NKX6-3: variants seen among roughly 807,000 people sequenced by gnomAD.
NKX6-3 encodes homeobox protein Nkx-6.3.
In NKX6-3, 17 loss-of-function variants were observed where a neutral mutation model predicts 22.0. The observed-to-expected ratio is 0.77, with a 90% CI of 0.53 to 1.16. The LOEUF is 1.16. Among genes scored for constraint, NKX6-3 ranks in the 50% most tolerant of loss-of-function variants. NKX6-3 has a pLI of 0.00. For synonymous variants in NKX6-3, 177 were observed against 167.2 expected (o/e 1.06, Z -0.45); for missense variants, 363 against 359.0 (o/e 1.01, Z -0.09).
chr8:41,648,255 G>A lies in NKX6-3; in HGVS notation c.383-20C>T. The A allele has an allele frequency of 2.0e-6, 3 of 1,526,724 alleles. No individual in the cohort carries two copies. Among genetic ancestry groups the A allele is most frequent in the African/African-American group, 1.4e-5 (1 of 73,052 alleles). 94.6% of individuals were successfully genotyped at this position (1,526,724 alleles called of 1,614,324 possible). A position where few individuals can be genotyped will look rare whatever the true frequency, so the allele number is the denominator to read the frequency against. On this transcript the variant is annotated intron_variant, in intron 1 of 2. Transcript: ENST00000518699. ...CTGGGGCTGGCAGGAGGAAGGAAGTGTGGGGTTAGTAGAATAAGTGGGGAC... is the reference window on the plus strand; with the variant it reads ...CTGGGGCTGGCAGGAGGAAGGAAGTATGGGGTTAGTAGAATAAGTGGGGAC...
At chr8:41,648,367 C>T in intron 1 of NKX6-3, 132 bp from the exon 2 acceptor site, 2 of 760,836 alleles carry the variant, frequency 2.6e-6, no homozygotes, top group Non-Finnish European at 4.1e-6. Context: ...AGATTCCTTT[C>T]CCCTGAGCAG....
At position 41,646,288 on chromosome 8, in the gene NKX6-3, T is replaced by C; in HGVS notation, c.*161A>G. ...TTTCCTCCTCCTCCCCCGCCTCCCC[T>C]CCTCCTCCCCTGCACCTGCTGCTCC... On this transcript the variant is annotated 3_prime_UTR_variant, in exon 3 of 3. Transcript: ENST00000518699. 83 of 847,174 alleles carry C rather than the reference T, an allele frequency of 9.8e-5. No homozygotes were observed. The highest frequency in any genetic ancestry group is 7.5e-4 in the Admixed American group (24 of 31,814). The allele number at this position is 847,174 out of a possible 1,614,324, so 52.5% of individuals were successfully genotyped here.
intron 2 of NKX6-3, 32 bp downstream of exon 2, chr8:41,648,034 C>A (rs1804247204): frequency 1.3e-6 from 2 of 1,503,730 alleles, no homozygotes; most frequent in South Asian, 2.5e-5. Context: ...CTCCTCCCTG[C>A]AGGGCAGGTG....
At position 41,646,366 on chromosome 8, in the gene NKX6-3, G is replaced by C. The variant is rs1334635860; in HGVS notation, c.*83C>G. ...AGACTCAGTCCCTGCGCCCCCAGGA[G>C]CGTGGGGAAGGGGAGGGGAAGGTAG... On this transcript the variant is annotated 3_prime_UTR_variant, in exon 3 of 3. Coordinates refer to ENST00000518699, the MANE Select transcript of NKX6-3 (RefSeq NM_001364841.2). 10 of 1,486,258 alleles carry C rather than the reference G, an allele frequency of 6.7e-6. No homozygotes were observed. Among genetic ancestry groups the C allele is most frequent in the Non-Finnish European group, 9.0e-6 (10 of 1,107,962 alleles). The allele number at this position is 1,486,258 out of a possible 1,614,324, so 92.1% of individuals were successfully genotyped here. A position where few individuals can be genotyped will look rare whatever the true frequency, so the allele number is the denominator to read the frequency against.
intron 1 of NKX6-3, 131 bp downstream of exon 1, chr8:41,649,980 G>A (rs1804283579): frequency 1.0e-6 from 1 of 968,210 alleles, no homozygotes; most frequent in East Asian, 2.7e-5. Context: ...CTGAGGCTAC[G>A]AGTCCAGGGG....
rs540879919 is a variant in NKX6-3 at position 41,647,304 on chromosome 8, C to T, written c.553-610G>A. ...GCAGCGGGTTGGAGCTCGGGGAGGC[C>T]CCAGGGCCCTGAGCAAAGCCTAGAC... On this transcript the variant is annotated intron_variant, in intron 2 of 2. Coordinates refer to ENST00000518699, the MANE Select transcript of NKX6-3 (RefSeq NM_001364841.2). The T allele has an allele frequency of 2.5e-6, 4 of 1,598,058 alleles. 1 individual carries two copies. The South Asian group carries it at 4.5e-5, about 18-fold the overall frequency.
chr8:41,650,367 C>G lies in NKX6-3; in HGVS notation c.126G>C (p.Gly42=), dbSNP rs1029254638. 7.2e-6 allele frequency: 11 copies of G among 1,535,236 alleles called. No individual in the cohort carries two copies. The highest frequency in any genetic ancestry group is 3.3e-4 in the Middle Eastern group (2 of 6,002). Residue 42 remains glycine (G), a synonymous_variant, in exon 1 of 3, where the codon GGG becomes GGC. Coordinates refer to ENST00000518699, the MANE Select transcript of NKX6-3 (RefSeq NM_001364841.2). ...TTCCGGCGGCCAGCTGGGGGCCCAG[C>G]CCTGGGGGGCTGAGCTTGTAGAAGG... ...QNSFYKLSPP[G]LGPQLAAGTP... is the part of the protein sequence containing the mutation.
chr8:41,647,966 TG>T (rs373292423), intron 2 of NKX6-3, 99 bp downstream of exon 2: 14 of 1,106,126 alleles, frequency 1.3e-5, no homozygotes, highest in African/African-American at 1.3e-4. Context: ...AGCTGCCCTC[TG>T]GGGGGCTGCG....
In NKX6-3 at chr8:41,650,154, C is replaced by T. The variant is rs1342748386; in HGVS notation, c.339G>A (p.Ala113=). The change falls in exon 1 of 3, where the codon GCG becomes GCA. Residue 113 remains alanine (A), a synonymous_variant. Coordinates refer to ENST00000518699, the MANE Select transcript of NKX6-3 (RefSeq NM_001364841.2). ...CGCCTCGCCAGTCTTGGCCCGTGTC[C>T]GCCCAGCAGTTCCGGGTCCGGGTCG... ...EYPTRTRNCW[A]DTGQDWRGGR... 7 of 1,535,596 alleles carry T rather than the reference C, an allele frequency of 4.6e-6. No homozygotes were observed. The South Asian group carries it at 5.9e-5, about 13-fold the overall frequency.
rs535885290 is a variant in NKX6-3 at position 41,648,636 on chromosome 8, G to A, written c.383-401C>T. On this transcript the variant is annotated intron_variant, in intron 1 of 2. Coordinates refer to ENST00000518699, the MANE Select transcript of NKX6-3 (RefSeq NM_001364841.2). ...GGGCCTGTGAATTCCCTCCACCCCC[G>A]GCTTCCGCCAACTTCCTTGCTCTTG... Among the ~76,000 whole-genome samples, 24 of 152,306 alleles carry A rather than the reference G, an allele frequency of 1.6e-4. No individual in the cohort carries two copies. The South Asian group carries it at 4.6e-3, about 29-fold the overall frequency.
chr8:41,647,624 T>C (rs1301008624), intron 2 of NKX6-3, among the ~76,000 whole-genome samples: 1 of 152,160 alleles, frequency 6.6e-6, no homozygotes, highest in Admixed American at 6.5e-5. Flanking sequence ...CTCCTTTTGC[T>C]GACTGGAGCA....
At chr8:41,647,276 G>C in intron 2 of NKX6-3, 1 of 1,607,686 alleles carries the variant, frequency 6.2e-7, no homozygotes, top group Non-Finnish European at 8.5e-7. Context: ...TGATGAGGAG[G>C]GCGCAGCGGG....
chr8:41,648,374 G>T, intron 1 of NKX6-3, 139 bp from the exon 2 acceptor site: 1 of 750,196 alleles, frequency 1.3e-6, no homozygotes, highest in Non-Finnish European at 2.1e-6. Flanking sequence ...TTTCCCCTGA[G>T]CAGCATTCTT....
At chr8:41,650,046 C>G in intron 1 of NKX6-3, 65 bp downstream of exon 1, 2 of 1,474,540 alleles carry the variant, frequency 1.4e-6, no homozygotes, top group Non-Finnish European at 1.8e-6. Flanking sequence ...GGAGGCCCCT[C>G]CTCGTCCTCT....
chr8:41,648,270 T>A (rs1804251775), intron 1 of NKX6-3, 35 bp from the exon 2 acceptor site: 4 of 1,510,406 alleles, frequency 2.6e-6, no homozygotes, highest in Non-Finnish European at 3.5e-6. Context: ...GTTAGTAGAA[T>A]AAGTGGGGAC....
At chr8:41,648,804 C>T (rs541495853) in intron 1 of NKX6-3, among the ~76,000 whole-genome samples, 18 of 152,368 alleles carry the variant, frequency 1.2e-4, no homozygotes, top group Admixed American at 3.9e-4. Flanking sequence ...GAGACCCTGA[C>T]CCCCAGCCTG....
chr8:41,650,013 G>T, intron 1 of NKX6-3, 98 bp downstream of exon 1: 1 of 1,306,516 alleles, frequency 7.7e-7, no homozygotes, highest in Non-Finnish European at 1.0e-6. Flanking sequence ...GGGGGAGAGG[G>T]CGGAGGTGCA....
intron 2 of NKX6-3, chr8:41,647,127 C>T (rs916160403): frequency 4.6e-6 from 7 of 1,531,260 alleles, no homozygotes; most frequent in South Asian, 3.5e-5. Flanking sequence ...AATAATTGTT[C>T]CCCTAGTTAG....
At chr8:41,647,328 A>C in intron 2 of NKX6-3, 1 of 1,578,624 alleles carries the variant, frequency 6.3e-7, no homozygotes. Flanking sequence ...CAAAGCCTAG[A>C]CCCAGGTGCC....
Sources: gnomAD v4.1 joint callset for allele counts (sites outside exome capture counted in the v4.1 genomes callset) on GRCh38, gnomAD v4.1.1 for gene constraint, MANE v1.5 for transcripts, NCBI Gene and HGNC (gene_info 2026-07-23, HGNC 2026-07-21) for gene names.